The following IFT74 variants were observed in gnomAD, a reference collection of about 807,000 sequenced individuals.
IFT74 encodes intraflagellar transport 74, also known as intraflagellar transport protein 74 homolog.
In IFT74, 92 loss-of-function variants were observed where a neutral mutation model predicts 96.7. That is an observed-to-expected ratio of 0.95 (90% confidence interval 0.80 to 1.13). The LOEUF is 1.13. IFT74 is among the 50% of genes most tolerant of loss of function. IFT74 has a pLI of 0.00. For synonymous variants in IFT74, 223 were observed against 213.2 expected (o/e 1.05, Z -0.40); for missense variants, 811 against 698.2 (o/e 1.16, Z -1.82).
chr9:27,018,678 T>G lies in IFT74; in HGVS notation c.965T>G (p.Met322Arg). 2.0e-6 allele frequency: 3 copies of G among 1,537,050 alleles called. No individual in the cohort carries two copies. Residue 322 changes from methionine to arginine, a missense_variant, in exon 12 of 20, where the codon ATG (methionine) becomes AGG (arginine). Coordinates refer to ENST00000380062, the MANE Select transcript of IFT74 (RefSeq NM_025103.4). ...GATGATAATCAGGAAATAGCCAGCA[T>G]GGAAAGACAGTAAGTATCTTTATAC... is the stretch of plus-strand genomic sequence containing the variant. ...IKDDNQEIAS[M>R]ERQLTDTKEK... is the part of the protein sequence containing the mutation.
chr9:27,052,606 C>T (rs1385607806), intron 16 of IFT74, among the ~76,000 whole-genome samples: 1 of 150,690 alleles, frequency 6.6e-6, no homozygotes, highest in Non-Finnish European at 1.5e-5. Context: ...GATAAAAATC[C>T]AGTTTAATAG....
chr9:27,047,210 A>C (rs1819729768), intron 14 of IFT74, 64 bp from the exon 15 acceptor site: 1 of 959,538 alleles, frequency 1.0e-6, no homozygotes, highest in South Asian at 1.5e-5. Context: ...AAGAACTGCA[A>C]ATCAGAGTTT....
Position 27,060,669 on chromosome 9 carries a change from GA to G in IFT74, c.1684+22del. The G allele has an allele frequency of 2.5e-6, 4 of 1,584,396 alleles. No homozygotes were observed. Among genetic ancestry groups the G allele is most frequent in the East Asian group, 2.3e-5 (1 of 43,892 alleles). On this transcript the variant is annotated intron_variant, in intron 19 of 19. Coordinates refer to ENST00000380062, the MANE Select transcript of IFT74 (RefSeq NM_025103.4). ...GAAAGAATGTATCCTTTAAAAAGCT[GA>G]AAATGGGGCCGGGTGCGGTGGCTCA...
intron 9 of IFT74, among the ~76,000 whole-genome samples, chr9:27,010,361 C>G (rs558466978): frequency 1.3e-5 from 2 of 152,174 alleles, no homozygotes; most frequent in Admixed American, 1.3e-4. Flanking sequence ...ATAACTATAG[C>G]CACCCTAGTG....
At chr9:27,021,721 C>A (rs1829613084) in intron 12 of IFT74, among the ~76,000 whole-genome samples, 1 of 151,768 alleles carries the variant, frequency 6.6e-6, no homozygotes, top group Non-Finnish European at 1.5e-5. Context: ...GTTGTAGATT[C>A]TAGATATTAG....
At chr9:27,004,372 C>G (rs1828666654) in intron 8 of IFT74, among the ~76,000 whole-genome samples, 1 of 152,142 alleles carries the variant, frequency 6.6e-6, no homozygotes, top group African/African-American at 2.4e-5. Flanking sequence ...TTCAACAAAT[C>G]TAAAGCATCG....
In IFT74 at chr9:27,053,510, C is replaced by T. The variant is rs575611271; in HGVS notation, c.1334-2099C>T. Among the ~76,000 whole-genome samples the T allele has an allele frequency of 1.2e-4, 19 of 152,234 alleles. No homozygotes were observed. The South Asian group carries it at 2.1e-3, about 17-fold the overall frequency. On this transcript the variant is annotated intron_variant, in intron 16 of 19. Transcript: ENST00000380062. ...ACAGACTATCTTAGAAACACTTCCC[C>T]GGGTCAAAGTGGTTCCTTCTGAGAT... is the stretch of plus-strand genomic sequence containing the variant.
intron 2 of IFT74, among the ~76,000 whole-genome samples, chr9:26,965,743 A>G (rs1826580984): frequency 6.6e-6 from 1 of 152,064 alleles, no homozygotes; most frequent in South Asian, 2.1e-4. Flanking sequence ...CTGAATAGTG[A>G]ACACTGTACC....
intron 12 of IFT74, among the ~76,000 whole-genome samples, chr9:27,026,973 A>T (rs540488985): frequency 6.6e-6 from 1 of 152,162 alleles, no homozygotes; most frequent in Non-Finnish European, 1.5e-5. Context: ...AATTACAAAC[A>T]TCAGAGCAGA....
intron 8 of IFT74, chr9:26,999,733 G>C: frequency 7.4e-7 from 1 of 1,354,554 alleles, no homozygotes; most frequent in South Asian, 1.3e-5. Flanking sequence ...TTTCATTAAG[G>C]ACATTTTTAT....
chr9:27,020,881 T>A (rs1282360990), intron 12 of IFT74, among the ~76,000 whole-genome samples: 1 of 152,156 alleles, frequency 6.6e-6, no homozygotes, highest in Non-Finnish European at 1.5e-5. Context: ...AACCAAGCAG[T>A]GTCCACTCTA....
intron 13 of IFT74, chr9:27,036,565 C>T: frequency 1.3e-6 from 2 of 1,596,038 alleles, no homozygotes; most frequent in Middle Eastern, 1.7e-4. Flanking sequence ...TGAAGAATAC[C>T]CTGCTATAGC....
At chr9:27,008,631 A>AT (rs770306682) in intron 8 of IFT74, among the ~76,000 whole-genome samples, 1 of 152,134 alleles carries the variant, frequency 6.6e-6, no homozygotes, top group Non-Finnish European at 1.5e-5. Context: ...AAGTGCTGGG[A>AT]TTACAGACGT....
chr9:26,983,076 C>G (rs1432258948), intron 4 of IFT74, among the ~76,000 whole-genome samples: 1 of 152,000 alleles, frequency 6.6e-6, no homozygotes, highest in Admixed American at 6.6e-5. Flanking sequence ...TTAATCCACC[C>G]TCCCATCATG....
At chr9:27,015,806 T>C (rs1370467184) in intron 10 of IFT74, among the ~76,000 whole-genome samples, 3 of 152,196 alleles carry the variant, frequency 2.0e-5, no homozygotes, top group Non-Finnish European at 2.9e-5. Context: ...GATAGTACTA[T>C]CTTGTAGAGT....
intron 4 of IFT74, among the ~76,000 whole-genome samples, chr9:26,983,342 C>T (rs146116530): frequency 2.0e-4 from 30 of 152,312 alleles, no homozygotes; most frequent in African/African-American, 7.2e-4. Context: ...GCTTCCACAT[C>T]AAAGAATAGT....
In IFT74 at chr9:27,062,754, G is replaced by A; in HGVS notation, c.*18G>A. 1 of 1,302,860 alleles carries A rather than the reference G, an allele frequency of 7.7e-7. No individual in the cohort carries two copies. Among genetic ancestry groups the A allele is most frequent in the South Asian group, 1.2e-5 (1 of 80,312 alleles). The allele number at this position is 1,302,860 out of a possible 1,614,324, so 80.7% of individuals were successfully genotyped here. A position where few individuals can be genotyped will look rare whatever the true frequency, so the allele number is the denominator to read the frequency against. On this transcript the variant is annotated 3_prime_UTR_variant, in exon 20 of 20. Transcript: ENST00000380062. ...GAAACTGAGTTTAAGTCCACTGAAAGTCTCTAAGGAAGTATCCTCTTGCTG... is the reference window on the plus strand; with the variant it reads ...GAAACTGAGTTTAAGTCCACTGAAAATCTCTAAGGAAGTATCCTCTTGCTG...
chr9:27,019,653 A>T (rs373574617), intron 12 of IFT74, among the ~76,000 whole-genome samples: 219 of 151,880 alleles, frequency 1.4e-3, no homozygotes, highest in African/African-American at 5.0e-3. Context: ...CATTGTATGG[A>T]TATACCATAT....
At chr9:27,023,927 C>T (rs1177904196) in intron 12 of IFT74, among the ~76,000 whole-genome samples, 2 of 152,188 alleles carry the variant, frequency 1.3e-5, no homozygotes, top group Non-Finnish European at 2.9e-5. Context: ...TTGTGGCAGG[C>T]CTATGGCCTC....
Sources: gnomAD v4.1 joint callset for allele counts (sites outside exome capture counted in the v4.1 genomes callset) on GRCh38, gnomAD v4.1.1 for gene constraint, MANE v1.5 for transcripts, NCBI Gene and HGNC (gene_info 2026-07-23, HGNC 2026-07-21) for gene names.